The following ABCB1 variants were observed in gnomAD, a reference collection of about 807,000 sequenced individuals.
The protein encoded by ABCB1 is ATP-dependent translocase ABCB1.
In ABCB1, 69 loss-of-function variants were observed where a neutral mutation model predicts 142.0. That is an observed-to-expected ratio of 0.49 (90% CI 0.40 to 0.59). ABCB1 has a LOEUF of 0.59. Ranked by LOEUF, ABCB1 falls within the 20% of genes least tolerant of loss-of-function variation. ABCB1 has a pLI of 0.00. For synonymous variants in ABCB1, 532 were observed against 539.2 expected, an observed-to-expected ratio of 0.99 and a Z score of 0.18; for missense variants, 1,326 against 1,554.7, an observed-to-expected ratio of 0.85 and a Z score of 2.47.
rs1822958751 is a variant in ABCB1, at chr7:87,645,940, G to T, written c.-330-44862C>A. ...ATATGAATGATGAAGCAAAGCTGGAGAACATTATTTTTCTTCATTACTGAC... is the reference window on the plus strand; with the variant it reads ...ATATGAATGATGAAGCAAAGCTGGATAACATTATTTTTCTTCATTACTGAC... On this transcript the variant is annotated intron_variant, in intron 1 of 28. Coordinates refer to the ABCB1 transcript ENST00000265724. Among the ~76,000 whole-genome samples the T allele has an allele frequency of 1.3e-5, 2 of 152,144 alleles. 1 individual carries two copies. Among genetic ancestry groups the T allele is most frequent in the Admixed American group, 1.3e-4 (2 of 15,268 alleles).
intron 21 of ABCB1, 31 bp downstream of exon 21, chr7:87,531,258 CTACTT>C: frequency 6.5e-7 from 1 of 1,544,554 alleles, no homozygotes; most frequent in South Asian, 1.1e-5. Context: ...ATACTTTACT[CTACTT>C]AATTAATCAA....
At position 87,626,112 on chromosome 7, in the gene ABCB1, G is replaced by A. The variant is rs1259183071; in HGVS notation, c.-330-25034C>T. Among the ~76,000 whole-genome samples, 3 of 126,652 alleles carry A rather than the reference G, an allele frequency of 2.4e-5. No individual in the cohort carries two copies. The Admixed American group carries it at 2.4e-4, about 10-fold the overall frequency. 83.1% of individuals were successfully genotyped at this position (126,652 alleles called of 152,430 possible). On this transcript the variant is annotated intron_variant, in intron 1 of 28. Transcript: ENST00000265724. ...TATATATATATATTGTCATATATAT[G>A]TGTCATATATATTGTCATATATATG...
In ABCB1 at chr7:87,563,304, C is replaced by T. The variant is rs563148845; in HGVS notation, c.703-1917G>A. 8.4e-4 allele frequency: 362 copies of T among 432,276 alleles called. 7 individuals carry two copies. The highest frequency in any genetic ancestry group is 5.8e-3 in the South Asian group (344 of 59,172). 26.8% of individuals were successfully genotyped at this position (432,276 alleles called of 1,614,324 possible). A position where few individuals can be genotyped will look rare whatever the true frequency, so the allele number is the denominator to read the frequency against. ...TTTAGGTGGAGGGACTCCTCTCTGA[C>T]CCATTCTATGAGGCCAGAATAATCC... On this transcript the variant is annotated intron_variant, in intron 7 of 27. Transcript: ENST00000622132.
At chr7:87,572,564 A>C (rs1039626760) in intron 4 of ABCB1, among the ~76,000 whole-genome samples, 6 of 152,184 alleles carry the variant, frequency 3.9e-5, no homozygotes, top group Non-Finnish European at 8.8e-5. Flanking sequence ...TTGGGCATTC[A>C]ACAAAGAAGT....
chr7:87,536,684 G>T, intron 19 of ABCB1, 143 bp from the exon 20 acceptor site: 2 of 736,998 alleles, frequency 2.7e-6, no homozygotes, highest in Non-Finnish European at 2.4e-6. Context: ...ACACAAGAAA[G>T]AAACTTAATA....
At chr7:87,536,789 AC>A (rs1362007657) in intron 19 of ABCB1, among the ~76,000 whole-genome samples, 1 of 152,204 alleles carries the variant, frequency 6.6e-6, no homozygotes, top group African/African-American at 2.4e-5. Flanking sequence ...ACCTGTACGA[AC>A]AAAAAAGACA....
At chr7:87,520,959 AAAT>A in intron 21 of ABCB1, 83 bp from the exon 22 acceptor site, 2 of 1,009,100 alleles carry the variant, frequency 2.0e-6, no homozygotes, top group Non-Finnish European at 3.1e-6. Flanking sequence ...AGACTAATGA[AAAT>A]AATTTTATGA....
intron 1 of ABCB1, among the ~76,000 whole-genome samples, chr7:87,665,244 G>A (rs1439906544): frequency 2.6e-5 from 4 of 151,974 alleles, no homozygotes; most frequent in East Asian, 3.9e-4. Context: ...CAGTGAAGTC[G>A]TATGATACAA....
At chr7:87,641,046 T>C (rs1436569436) in intron 1 of ABCB1, among the ~76,000 whole-genome samples, 1 of 152,212 alleles carries the variant, frequency 6.6e-6, no homozygotes, top group Non-Finnish European at 1.5e-5. Flanking sequence ...TCTCTCTTAC[T>C]CCTTTCTTTG....
chr7:87,701,437 G>A (rs1829025506), intron 1 of ABCB1, among the ~76,000 whole-genome samples: 3 of 152,242 alleles, frequency 2.0e-5, no homozygotes, highest in South Asian at 4.2e-4. Context: ...CATTGATGTT[G>A]ATATCAACAA....
chr7:87,523,392 T>G (rs527695180), intron 21 of ABCB1, among the ~76,000 whole-genome samples: 1 of 152,180 alleles, frequency 6.6e-6, no homozygotes, highest in South Asian at 2.1e-4. Context: ...GTTTGGGAGA[T>G]GGAGGCAGGT....
chr7:87,539,634 A>G (rs1738561922), intron 18 of ABCB1, among the ~76,000 whole-genome samples: 1 of 152,190 alleles, frequency 6.6e-6, no homozygotes, highest in Non-Finnish European at 1.5e-5. Flanking sequence ...GAGAATCCTA[A>G]CCAGAATGGG....
intron 1 of ABCB1, among the ~76,000 whole-genome samples, chr7:87,613,019 T>C (rs1819907231): frequency 1.3e-5 from 2 of 151,128 alleles, no homozygotes; most frequent in African/African-American, 2.4e-5. Flanking sequence ...GGGTTTTTTT[T>C]TTTTTTTTAA....
Position 87,545,988 on chromosome 7 carries a change from G to T in ABCB1, c.1762C>A (p.Arg588Ser). 6.2e-7 allele frequency: 1 copy of T among 1,614,068 alleles called. No individual in the cohort carries two copies. Among genetic ancestry groups the T allele is most frequent in the Non-Finnish European group, 8.5e-7 (1 of 1,180,014 alleles). ...KGRTTIVIAH[R>S]LSTVRNADVI... ...TCAGCATTACGAACTGTAGACAAAC[G>T]ATGAGCTATCACAATGGTGGTCCGA... is the stretch of plus-strand genomic sequence containing the variant. Residue 588 changes from arginine (R) to serine (S), a missense_variant, in exon 15 of 28, where the codon CGT becomes AGT. Transcript: ENST00000622132.
chr7:87,634,955 G>A (rs1299195376), intron 1 of ABCB1, among the ~76,000 whole-genome samples: 1 of 152,118 alleles, frequency 6.6e-6, no homozygotes, highest in East Asian at 1.9e-4. Flanking sequence ...AGACATTTCA[G>A]CATTCACAAA....
At chr7:87,707,972 G>A (rs1316370460) in intron 1 of ABCB1, among the ~76,000 whole-genome samples, 1 of 151,964 alleles carries the variant, frequency 6.6e-6, no homozygotes, top group African/African-American at 2.4e-5. Flanking sequence ...AAAATATTTG[G>A]AAAGTACTGA....
intron 1 of ABCB1, among the ~76,000 whole-genome samples, chr7:87,615,676 T>C (rs1052960848): frequency 2.0e-5 from 3 of 152,312 alleles, no homozygotes; most frequent in South Asian, 2.1e-4. Flanking sequence ...ACCAACAAGA[T>C]TGCAAAAGGC....
At chr7:87,682,807 G>A (rs1198449797) in intron 1 of ABCB1, among the ~76,000 whole-genome samples, 3 of 152,192 alleles carry the variant, frequency 2.0e-5, no homozygotes, top group Non-Finnish European at 4.4e-5. Context: ...TCAACTTAAA[G>A]CCACCAGCTG....
At chr7:87,534,508 T>C (rs1816193540) in intron 20 of ABCB1, among the ~76,000 whole-genome samples, 1 of 152,202 alleles carries the variant, frequency 6.6e-6, no homozygotes, top group African/African-American at 2.4e-5. Flanking sequence ...TTCAGCCTTC[T>C]TGACATCTAC....
Sources: allele counts gnomAD v4.1 joint callset (sites outside exome capture counted in the v4.1 genomes callset), GRCh38; gene constraint gnomAD v4.1.1; transcripts MANE v1.5; gene names NCBI Gene and HGNC (gene_info 2026-07-23, HGNC 2026-07-21).